Variants in INPP4B observed in about 807,000 individuals in gnomAD.
INPP4B encodes inositol polyphosphate 4-phosphatase type II.
In INPP4B, 55 loss-of-function variants were observed where a neutral mutation model predicts 122.5. The ratio of observed to expected loss-of-function variants is 0.45; its 90% CI spans 0.36 to 0.56. INPP4B has a LOEUF of 0.56. INPP4B is among the 20% of genes least tolerant of loss of function. INPP4B has a pLI of 0.00. For synonymous variants in INPP4B, 403 were observed against 388.7 expected (o/e 1.04, Z -0.43); for missense variants, 1,000 against 1,097.7 (o/e 0.91, Z 1.26).
intron 2 of INPP4B, among the ~76,000 whole-genome samples, chr4:142,607,545 T>C (rs1323838032): frequency 5.3e-5 from 8 of 152,228 alleles, no homozygotes; most frequent in East Asian, 1.9e-4. Context: ...AGAATATATA[T>C]TGGATTTGGA....
intron 23 of INPP4B, among the ~76,000 whole-genome samples, chr4:142,094,005 G>A (rs957164035): frequency 3.3e-5 from 5 of 152,160 alleles, no homozygotes; most frequent in Non-Finnish European, 7.3e-5. Context: ...GGAATATGGT[G>A]TTCAGGGAGA....
intron 2 of INPP4B, among the ~76,000 whole-genome samples, chr4:142,471,959 T>C (rs989356742): frequency 6.6e-6 from 1 of 152,182 alleles, no homozygotes; most frequent in Admixed American, 6.5e-5. Flanking sequence ...TAAAAATCTT[T>C]CAACCTACAA....
At chr4:142,369,981 G>C (rs1195199846) in intron 7 of INPP4B, among the ~76,000 whole-genome samples, 2 of 151,062 alleles carry the variant, frequency 1.3e-5, no homozygotes, top group Non-Finnish European at 2.9e-5. Context: ...CATTGCCTTA[G>C]ATTAGGTCAC....
rs142321806 is a variant in INPP4B, at chr4:142,223,816, G to A, written c.836+14048C>T. ...TAATCAGGTGTGAGTCAATGGTAGA[G>A]CCCTGATGTGATATCTTTAATGCAT... On this transcript the variant is annotated intron_variant, in intron 12 of 25. Transcript: ENST00000262992. 4.9e-3 allele frequency among the ~76,000 whole-genome samples: 743 copies of A among 152,306 alleles called. 10 individuals are homozygous for A. The highest frequency in any genetic ancestry group is 0.017 in the African/African-American group (709 of 41,570).
At chr4:142,621,269 T>C (rs1744864663) in intron 2 of INPP4B, among the ~76,000 whole-genome samples, 1 of 151,954 alleles carries the variant, frequency 6.6e-6, no homozygotes, top group African/African-American at 2.4e-5. Context: ...AAAAATAGAA[T>C]ACTGTTTGTG....
At chr4:142,053,899 C>T (rs1756033731) in intron 25 of INPP4B, among the ~76,000 whole-genome samples, 1 of 152,024 alleles carries the variant, frequency 6.6e-6, no homozygotes, top group Admixed American at 6.6e-5. Flanking sequence ...TTCTTGCTCA[C>T]AAAATATAAT....
At chr4:142,553,167 T>A (rs1171954077) in intron 2 of INPP4B, among the ~76,000 whole-genome samples, 6 of 152,188 alleles carry the variant, frequency 3.9e-5, no homozygotes, top group African/African-American at 1.4e-4. Flanking sequence ...GGCCCTTCAA[T>A]GCCCAGATTT....
chr4:142,665,935 T>C (rs1436204701), intron 2 of INPP4B, among the ~76,000 whole-genome samples: 1 of 152,164 alleles, frequency 6.6e-6, no homozygotes, highest in African/African-American at 2.4e-5. Context: ...TAAGGTTTAA[T>C]TTATAAACAA....
chr4:142,234,741 A>G (rs1442906208), intron 12 of INPP4B, among the ~76,000 whole-genome samples: 3 of 152,108 alleles, frequency 2.0e-5, no homozygotes, highest in Non-Finnish European at 4.4e-5. Flanking sequence ...TTAAAATGTA[A>G]TTTTCTTCTT....
chr4:142,806,077 A>C (rs1173309997), intron 1 of INPP4B, among the ~76,000 whole-genome samples: 2 of 151,948 alleles, frequency 1.3e-5, no homozygotes, highest in South Asian at 2.1e-4. Flanking sequence ...CAGGAGATTG[A>C]GACCATCCTG....
At chr4:142,507,533 G>A (rs536833335) in intron 2 of INPP4B, among the ~76,000 whole-genome samples, 7 of 152,002 alleles carry the variant, frequency 4.6e-5, no homozygotes. Flanking sequence ...ACTAGATAAA[G>A]TTCCTACTAC....
At chr4:142,099,608 G>A (rs1783594492) in intron 23 of INPP4B, among the ~76,000 whole-genome samples, 1 of 151,958 alleles carries the variant, frequency 6.6e-6, no homozygotes, top group Non-Finnish European at 1.5e-5. Flanking sequence ...AAACCCTTAT[G>A]TCTTCAAGTT....
rs532124468 is a variant in INPP4B, at chr4:142,024,099, T to A, written c.*4683A>T. On this transcript the variant is annotated 3_prime_UTR_variant, in exon 26 of 26. Coordinates refer to ENST00000262992, the MANE Select transcript of INPP4B (RefSeq NM_001101669.3). The stretch of plus-strand genomic sequence containing the variant: ...GTACACCATGATTCAGAAAAACAAA[T>A]GCAAATTTCCATACATTAACTCTAC... 2 of 152,254 alleles carry A rather than the reference T, an allele frequency of 1.3e-5. No homozygotes were observed. The highest frequency in any genetic ancestry group is 2.1e-4 in the South Asian group (1 of 4,834). The allele number at this position is 152,254 out of a possible 1,614,324, so 9.4% of individuals were successfully genotyped here. A position where few individuals can be genotyped will look rare whatever the true frequency, so the allele number is the denominator to read the frequency against.
At chr4:142,042,232 A>C (rs768284931) in intron 25 of INPP4B, among the ~76,000 whole-genome samples, 1 of 152,168 alleles carries the variant, frequency 6.6e-6, no homozygotes, top group Non-Finnish European at 1.5e-5. Context: ...CAACCAATGC[A>C]CAATGCTAGT....
At chr4:142,812,939 G>T (rs7668786) in intron 1 of INPP4B, among the ~76,000 whole-genome samples, 4 of 152,006 alleles carry the variant, frequency 2.6e-5, no homozygotes, top group African/African-American at 9.7e-5. Context: ...AAAATAAAAG[G>T]CTTTGCTATG....
chr4:142,091,999 T>C (rs28665903), intron 23 of INPP4B, among the ~76,000 whole-genome samples: 38,163 of 152,024 alleles, frequency 0.25, 4,821 homozygotes, highest in East Asian at 0.3. Context: ...CTGACGTCCA[T>C]TTGTGTGATC....
intron 10 of INPP4B, among the ~76,000 whole-genome samples, chr4:142,267,586 C>G (rs978212646): frequency 2.6e-5 from 4 of 152,056 alleles, no homozygotes; most frequent in Non-Finnish European, 4.4e-5. Flanking sequence ...GAGTTAAAGA[C>G]TGAAAAATAA....
chr4:142,032,816 A>G (rs1371818858), intron 25 of INPP4B, among the ~76,000 whole-genome samples: 1 of 152,206 alleles, frequency 6.6e-6, no homozygotes, highest in Non-Finnish European at 1.5e-5. Flanking sequence ...CAATTCTTAC[A>G]AAGTTCTTAG....
At chr4:142,120,732 G>T (rs1312811219) in intron 21 of INPP4B, among the ~76,000 whole-genome samples, 1 of 152,052 alleles carries the variant, frequency 6.6e-6, no homozygotes, top group Non-Finnish European at 1.5e-5. Context: ...CAGGGCCAGG[G>T]TTGATGGGAG....
Sources: allele counts gnomAD v4.1 joint callset (sites outside exome capture counted in the v4.1 genomes callset), GRCh38; gene constraint gnomAD v4.1.1; transcripts MANE v1.5; gene names NCBI Gene and HGNC (gene_info 2026-07-23, HGNC 2026-07-21).